The following IL1RAPL1 variants were observed in gnomAD, a reference collection of about 807,000 sequenced individuals.
IL1RAPL1 encodes interleukin 1 receptor accessory protein like 1.
IL1RAPL1 carries 3 observed loss-of-function variants against 48.4 expected under a neutral mutation model. The observed-to-expected ratio is 0.06, with a 90% confidence interval of 0.03 to 0.16. IL1RAPL1 has a LOEUF of 0.16. Ranked by LOEUF, IL1RAPL1 falls within the 10% of genes least tolerant of loss-of-function variation. The pLI, the probability that IL1RAPL1 is intolerant of heterozygous loss-of-function variation, is 1.00. For missense variants in IL1RAPL1, 349 were observed against 530.6 expected, an observed-to-expected ratio of 0.66 and a Z score of 3.36; for synonymous variants, 185 against 187.7, an observed-to-expected ratio of 0.99 and a Z score of 0.12.
At chrX:29,547,752 A>G (rs1921675903) in intron 5 of IL1RAPL1, among the ~76,000 whole-genome samples, 1 of 112,122 alleles carries the variant, frequency 8.9e-6, no homozygotes, top group African/African-American at 3.2e-5. Context: ...TAAGGTTCCA[A>G]ATATGAAGAA....
chrX:28,629,152 G>T (rs921400831), intron 1 of IL1RAPL1, among the ~76,000 whole-genome samples: 7 of 111,575 alleles, frequency 6.3e-5, no homozygotes, highest in Non-Finnish European at 1.3e-4. Flanking sequence ...ACACACTTAG[G>T]GGGCATATCA....
intron 1 of IL1RAPL1, among the ~76,000 whole-genome samples, chrX:28,639,522 CG>C (rs1192450435): frequency 9.0e-6 from 1 of 111,691 alleles, no homozygotes; most frequent in Non-Finnish European, 1.9e-5. Flanking sequence ...TTCCTAAAGA[CG>C]GAAAATAAAA....
intron 2 of IL1RAPL1, among the ~76,000 whole-genome samples, chrX:28,897,912 G>A (rs951053490): frequency 3.6e-5 from 4 of 111,031 alleles, no homozygotes; most frequent in Non-Finnish European, 7.6e-5. Flanking sequence ...CAGGAGTGGG[G>A]GTCAGAAGGT....
intron 6 of IL1RAPL1, among the ~76,000 whole-genome samples, chrX:29,870,946 C>G (rs766035947): frequency 1.8e-5 from 2 of 112,257 alleles, no homozygotes; most frequent in East Asian, 2.8e-4. Flanking sequence ...TCTCGTCTTA[C>G]GGTTCAGTAG....
At chrX:28,816,890 A>G (rs1352716053) in intron 2 of IL1RAPL1, among the ~76,000 whole-genome samples, 1 of 110,365 alleles carries the variant, frequency 9.1e-6, no homozygotes, top group Admixed American at 9.7e-5. Context: ...TTTTCTCTGC[A>G]GTCTTGCCAC....
Position 29,763,057 on chromosome X carries a change from T to G in IL1RAPL1, c.778+94553T>G, listed in dbSNP as rs763571782. ...GATAAGAAAAAGTTTTTTGTTTTTTTTTTTTTTGAGCAAAACTGTCTTGTC... is the reference window on the plus strand; with the variant it reads ...GATAAGAAAAAGTTTTTTGTTTTTTGTTTTTTTGAGCAAAACTGTCTTGTC... On this transcript the variant is annotated intron_variant, in intron 6 of 10. Transcript: ENST00000378993. 2.2e-4 allele frequency among the ~76,000 whole-genome samples: 24 copies of G among 110,129 alleles called. No individual in the cohort carries two copies. The East Asian group carries it at 2.3e-3, about 10-fold the overall frequency.
At chrX:28,985,564 G>T (rs1376187147) in intron 2 of IL1RAPL1, among the ~76,000 whole-genome samples, 1 of 111,900 alleles carries the variant, frequency 8.9e-6, no homozygotes, top group Non-Finnish European at 1.9e-5. Flanking sequence ...ATTAGCAAAT[G>T]TGAAATAAAG....
chrX:28,948,353 G>T (rs1924361469), intron 2 of IL1RAPL1, among the ~76,000 whole-genome samples: 1 of 111,035 alleles, frequency 9.0e-6, no homozygotes, highest in African/African-American at 3.3e-5. Context: ...ATATGAGGGT[G>T]GGTGAATTTG....
chrX:28,996,620 T>TTGTG (rs59015501), intron 2 of IL1RAPL1, among the ~76,000 whole-genome samples: 15 of 108,350 alleles, frequency 1.4e-4, no homozygotes, highest in African/African-American at 3.7e-4. Context: ...AATTGTTATT[T>TTGTG]TGTGTGTGTG....
intron 2 of IL1RAPL1, among the ~76,000 whole-genome samples, chrX:29,281,552 T>C (rs1932202224): frequency 9.0e-6 from 1 of 111,332 alleles, no homozygotes; most frequent in Non-Finnish European, 1.9e-5. Flanking sequence ...TCTCCGATTC[T>C]CCCAGAAGTC....
chrX:29,818,760 T>C (rs1930548257), intron 6 of IL1RAPL1, among the ~76,000 whole-genome samples: 1 of 112,135 alleles, frequency 8.9e-6, no homozygotes. Flanking sequence ...CTATCAAATA[T>C]AGAGTGCTCA....
At chrX:28,686,581 T>C (rs1374097685) in intron 1 of IL1RAPL1, among the ~76,000 whole-genome samples, 1 of 112,298 alleles carries the variant, frequency 8.9e-6, no homozygotes, top group Non-Finnish European at 1.9e-5. Flanking sequence ...ACATAAAAAT[T>C]AATGCTGTTT....
intron 2 of IL1RAPL1, among the ~76,000 whole-genome samples, chrX:29,278,166 A>T (rs1932146950): frequency 8.9e-6 from 1 of 112,144 alleles, no homozygotes; most frequent in African/African-American, 3.2e-5. Flanking sequence ...AAGAATTCAA[A>T]CTTCAAGTTT....
chrX:29,208,935 T>C (rs1273696570), intron 2 of IL1RAPL1, among the ~76,000 whole-genome samples: 1 of 110,026 alleles, frequency 9.1e-6, no homozygotes, highest in Non-Finnish European at 1.9e-5. Flanking sequence ...GGCATCATTT[T>C]TCCCATTTGA....
chrX:29,299,059 GA>G (rs1295791637), intron 3 of IL1RAPL1, among the ~76,000 whole-genome samples: 8 of 101,507 alleles, frequency 7.9e-5, no homozygotes, highest in East Asian at 6.2e-4. Context: ...AAAGCAGGCA[GA>G]AAAAAAAAAA....
chrX:29,686,258 G>A (rs184043491), intron 6 of IL1RAPL1, among the ~76,000 whole-genome samples: 114 of 110,841 alleles, frequency 1.0e-3, no homozygotes, highest in Middle Eastern at 4.6e-3. Flanking sequence ...TAATCCATCA[G>A]CTTTTCAAAT....
intron 2 of IL1RAPL1, among the ~76,000 whole-genome samples, chrX:29,073,518 A>G (rs1049272899): frequency 9.0e-6 from 1 of 111,436 alleles, no homozygotes; most frequent in South Asian, 3.7e-4. Flanking sequence ...CTGAGTCCTA[A>G]GACTCTTTTC....
At chrX:29,709,629 G>A (rs1366729905) in intron 6 of IL1RAPL1, among the ~76,000 whole-genome samples, 1 of 111,194 alleles carries the variant, frequency 9.0e-6, no homozygotes, top group Non-Finnish European at 1.9e-5. Flanking sequence ...TTTTGCTCAT[G>A]TTTGCTTTTG....
intron 6 of IL1RAPL1, among the ~76,000 whole-genome samples, chrX:29,674,421 G>T (rs1441491692): frequency 9.0e-6 from 1 of 111,111 alleles, no homozygotes; most frequent in Non-Finnish European, 1.9e-5. Flanking sequence ...GCGAGACCTT[G>T]TCTCCAAAAA....
Sources: allele counts gnomAD v4.1 joint callset (sites outside exome capture counted in the v4.1 genomes callset), GRCh38; gene constraint gnomAD v4.1.1; transcripts MANE v1.5; gene names NCBI Gene and HGNC (gene_info 2026-07-23, HGNC 2026-07-21).